The following ATXN7 variants were observed in gnomAD, a reference collection of about 807,000 sequenced individuals.
ATXN7 encodes the protein ataxin-7.
In ATXN7, 12 loss-of-function variants were observed where a neutral mutation model predicts 70.5. The observed-to-expected ratio is 0.17, with a 90% CI of 0.11 to 0.28. ATXN7 has a LOEUF of 0.28. ATXN7 is among the 10% of genes least tolerant of loss of function. The pLI, the probability that ATXN7 is intolerant of heterozygous loss-of-function variation, is 1.00. For missense variants in ATXN7, 1,256 were observed against 1,131.7 expected (o/e 1.11, Z -1.58); for synonymous variants, 498 against 448.7 (o/e 1.11, Z -1.39).
chr3:63,883,293 C>T (rs1253939790), intron 1 of ATXN7, among the ~76,000 whole-genome samples: 2 of 152,090 alleles, frequency 1.3e-5, no homozygotes, highest in Non-Finnish European at 2.9e-5. Flanking sequence ...TAGATCCTGG[C>T]CCCAGACTTT....
chr3:63,993,645 G>C (rs1410738249), intron 11 of ATXN7, among the ~76,000 whole-genome samples: 1 of 152,150 alleles, frequency 6.6e-6, no homozygotes, highest in Non-Finnish European at 1.5e-5. Context: ...ATACACAAAA[G>C]AGTAATTAAC....
chr3:63,872,055 C>A (rs930039894), intron 1 of ATXN7, among the ~76,000 whole-genome samples: 3 of 151,982 alleles, frequency 2.0e-5, no homozygotes, highest in African/African-American at 7.3e-5. Context: ...CTCCTATGCC[C>A]CACATTCTGG....
intron 8 of ATXN7, among the ~76,000 whole-genome samples, chr3:63,983,259 T>C (rs2075519184): frequency 6.6e-6 from 1 of 152,164 alleles, no homozygotes; most frequent in African/African-American, 2.4e-5. Context: ...AGCAGTGTTG[T>C]ATCCACAGGA....
chr3:63,948,382 G>C (rs924302738), intron 4 of ATXN7, among the ~76,000 whole-genome samples: 3 of 152,146 alleles, frequency 2.0e-5, no homozygotes, highest in Non-Finnish European at 4.4e-5. Flanking sequence ...GGACATGCTT[G>C]TTCTGTTTGA....
At chr3:63,872,260 G>T (rs1248661034) in intron 1 of ATXN7, among the ~76,000 whole-genome samples, 1 of 152,212 alleles carries the variant, frequency 6.6e-6, no homozygotes, top group Non-Finnish European at 1.5e-5. Context: ...AAGCATGTCT[G>T]TCAGTTATCT....
At chr3:63,941,995 T>C (rs1232367241) in intron 4 of ATXN7, among the ~76,000 whole-genome samples, 1 of 152,224 alleles carries the variant, frequency 6.6e-6, no homozygotes, top group African/African-American at 2.4e-5. Context: ...CCAGCCTTCC[T>C]CTTCTCTCTG....
intron 8 of ATXN7, among the ~76,000 whole-genome samples, chr3:63,987,765 G>A (rs992471854): frequency 1.8e-4 from 28 of 151,878 alleles, no homozygotes; most frequent in African/African-American, 5.3e-4. Context: ...GTTATATAGC[G>A]CTAATGGTTG....
intron 2 of ATXN7, among the ~76,000 whole-genome samples, chr3:63,908,044 G>C (rs1703899289): frequency 6.6e-6 from 1 of 152,164 alleles, no homozygotes; most frequent in Non-Finnish European, 1.5e-5. Context: ...AAAAATTTAA[G>C]GGTTTGAGAT....
At chr3:63,898,109 A>G (rs1376858861) in intron 1 of ATXN7, among the ~76,000 whole-genome samples, 1 of 152,196 alleles carries the variant, frequency 6.6e-6, no homozygotes, top group Admixed American at 6.5e-5. Flanking sequence ...GTGGAAACTC[A>G]TTAGTGCAAA....
intron 5 of ATXN7, among the ~76,000 whole-genome samples, chr3:63,962,602 G>A (rs191790691): frequency 0.012 from 1,754 of 151,702 alleles, 22 homozygotes; most frequent in Non-Finnish European, 0.018. Flanking sequence ...ACAGAATTTC[G>A]CCATGTTGGC....
At chr3:63,888,613 C>G (rs981179857) in intron 1 of ATXN7, among the ~76,000 whole-genome samples, 1 of 152,166 alleles carries the variant, frequency 6.6e-6, no homozygotes, top group Middle Eastern at 3.4e-3. Context: ...CCTGTCTCTA[C>G]TAAAAATACA....
chr3:63,965,204 A>T (rs1009611360), intron 5 of ATXN7, among the ~76,000 whole-genome samples: 3 of 152,162 alleles, frequency 2.0e-5, no homozygotes, highest in Non-Finnish European at 4.4e-5. Context: ...TAATCATAAT[A>T]GCTAACATTT....
At chr3:63,974,659 A>G (rs1049946947) in intron 5 of ATXN7, among the ~76,000 whole-genome samples, 1 of 152,248 alleles carries the variant, frequency 6.6e-6, no homozygotes, top group South Asian at 2.1e-4. Context: ...ATTGAATGAG[A>G]TAATCCATGT....
chr3:63,869,095 T>C (rs1702521107), intron 1 of ATXN7, among the ~76,000 whole-genome samples: 2 of 152,258 alleles, frequency 1.3e-5, no homozygotes, highest in South Asian at 2.1e-4. Context: ...TAAACTTGCT[T>C]CTACTATTTC....
intron 5 of ATXN7, among the ~76,000 whole-genome samples, chr3:63,977,768 A>T (rs1414863303): frequency 6.6e-6 from 1 of 152,198 alleles, no homozygotes; most frequent in Non-Finnish European, 1.5e-5. Context: ...GAAATCCTGT[A>T]TGAAGAATTG....
intron 1 of ATXN7, among the ~76,000 whole-genome samples, chr3:63,890,207 G>A (rs1703214077): frequency 6.6e-6 from 1 of 152,160 alleles, no homozygotes; most frequent in African/African-American, 2.4e-5. Context: ...TACTCAAGGG[G>A]TTTGTTGACC....
chr3:63,905,663 A>G (rs970979195), intron 2 of ATXN7: 1 of 152,200 alleles, frequency 6.6e-6, no homozygotes, highest in Non-Finnish European at 1.5e-5. Flanking sequence ...AGATGGAGCA[A>G]GCTCTGGAAG....
At chr3:63,918,282 G>GA (rs755933400) in intron 4 of ATXN7, among the ~76,000 whole-genome samples, 6 of 151,814 alleles carry the variant, frequency 4.0e-5, no homozygotes, top group Non-Finnish European at 5.9e-5. Context: ...TTTCCTAGGG[G>GA]AAAAAAATGG....
Position 63,912,680 on chromosome 3 carries a change from G to T in ATXN7, c.82G>T (p.Ala28Ser), listed in dbSNP as rs966759720. Reference protein sequence around the residue: ...AAAGGAAAAAARQQQQQQQQQ... With the variant: ...AAAGGAAAAASRQQQQQQQQQ... ...GGCGGGCGGAGCAGCGGCCGCGGCCGCCCGGCAGCAGCAGCAGCAGCAGCA... is the reference window on the plus strand; with the variant it reads ...GGCGGGCGGAGCAGCGGCCGCGGCCTCCCGGCAGCAGCAGCAGCAGCAGCA... The change falls in exon 3 of 13, where the codon GCC becomes TCC. Residue 28 changes from alanine (A) to serine (S), a missense_variant. Coordinates refer to ENST00000674280, the MANE Select transcript of ATXN7 (RefSeq NM_001377405.1). The T allele has an allele frequency of 1.0e-6, 1 of 999,130 alleles. No individual in the cohort carries two copies. 61.9% of individuals were successfully genotyped at this position (999,130 alleles called of 1,614,324 possible).
Sources: allele counts gnomAD v4.1 joint callset (sites outside exome capture counted in the v4.1 genomes callset), GRCh38; gene constraint gnomAD v4.1.1; transcripts MANE v1.5; gene names NCBI Gene and HGNC (gene_info 2026-07-23, HGNC 2026-07-21).